HS3ST4: variants seen among roughly 807,000 people sequenced by gnomAD.
HS3ST4 encodes the protein heparan sulfate glucosamine 3-O-sulfotransferase 4.
In HS3ST4, 17 loss-of-function variants were observed where a neutral mutation model predicts 29.2. The observed-to-expected ratio is 0.58, with a 90% CI of 0.40 to 0.87. The LOEUF (loss-of-function observed/expected upper bound fraction) is 0.87. HS3ST4 is among the 40% of genes least tolerant of loss of function. The pLI, the probability that HS3ST4 is intolerant of heterozygous loss-of-function variation, is 0.00. For synonymous variants in HS3ST4, 314 were observed against 285.7 expected (o/e 1.10, Z -1.00); for missense variants, 627 against 634.5 (o/e 0.99, Z 0.13).
At chr16:25,791,214 A>G (rs1173665161) in intron 1 of HS3ST4, among the ~76,000 whole-genome samples, 1 of 151,988 alleles carries the variant, frequency 6.6e-6, no homozygotes, top group Non-Finnish European at 1.5e-5. Context: ...TTGTGGGGCT[A>G]TATCTGTTCT....
intron 1 of HS3ST4, among the ~76,000 whole-genome samples, chr16:25,777,511 G>C (rs1012972434): frequency 2.6e-5 from 4 of 152,148 alleles, no homozygotes; most frequent in African/African-American, 4.8e-5. Context: ...GCTCGCGCCT[G>C]TAATCCCAGC....
intron 1 of HS3ST4, among the ~76,000 whole-genome samples, chr16:25,837,938 C>G (rs562603317): frequency 7.2e-5 from 11 of 152,254 alleles, no homozygotes; most frequent in Admixed American, 5.2e-4. Context: ...CCCTCTCCCC[C>G]ACTTCCCCCT....
intron 1 of HS3ST4, among the ~76,000 whole-genome samples, chr16:26,034,925 G>A (rs116403832): frequency 0.027 from 4,144 of 152,282 alleles, 80 homozygotes; most frequent in Middle Eastern, 0.15. Flanking sequence ...AGATCTTGCA[G>A]TGAGCCATGA....
At chr16:25,717,140 G>A (rs372387510) in intron 1 of HS3ST4, among the ~76,000 whole-genome samples, 2 of 152,206 alleles carry the variant, frequency 1.3e-5, no homozygotes, top group South Asian at 2.1e-4. Context: ...AGGAACCTTG[G>A]CTGACCTTAG....
intron 1 of HS3ST4, among the ~76,000 whole-genome samples, chr16:25,769,789 T>C (rs1296366707): frequency 6.6e-6 from 1 of 152,228 alleles, no homozygotes; most frequent in Admixed American, 6.5e-5. Context: ...CAGGTAATTC[T>C]GCAGCAGCCT....
At chr16:25,912,431 C>T (rs1968250332) in intron 1 of HS3ST4, among the ~76,000 whole-genome samples, 1 of 152,094 alleles carries the variant, frequency 6.6e-6, no homozygotes, top group African/African-American at 2.4e-5. Context: ...CTCTTCACTC[C>T]CAAGCTAAAA....
chr16:25,852,001 A>C (rs1967526847), intron 1 of HS3ST4, among the ~76,000 whole-genome samples: 1 of 152,200 alleles, frequency 6.6e-6, no homozygotes, highest in Non-Finnish European at 1.5e-5. Flanking sequence ...TATGGGTTCT[A>C]TACCATCTGA....
chr16:25,771,140 GC>G (rs1456380432), intron 1 of HS3ST4, among the ~76,000 whole-genome samples: 2 of 151,892 alleles, frequency 1.3e-5, no homozygotes, highest in South Asian at 2.1e-4. Context: ...CCCTTCCCTT[GC>G]CCCCCACACC....
intron 1 of HS3ST4, among the ~76,000 whole-genome samples, chr16:26,058,386 G>A (rs1898433903): frequency 6.6e-6 from 1 of 152,140 alleles, no homozygotes; most frequent in Non-Finnish European, 1.5e-5. Flanking sequence ...AGGCTTTTTG[G>A]TTGACTTAAA....
chr16:25,957,847 G>A (rs748740163), intron 1 of HS3ST4, among the ~76,000 whole-genome samples: 1 of 152,176 alleles, frequency 6.6e-6, no homozygotes, highest in Non-Finnish European at 1.5e-5. Context: ...ACAGGTAGAT[G>A]TGGAGACAGA....
intron 1 of HS3ST4, among the ~76,000 whole-genome samples, chr16:26,017,903 G>C (rs1969375952): frequency 1.3e-5 from 2 of 152,194 alleles, no homozygotes; most frequent in African/African-American, 4.8e-5. Flanking sequence ...GACAAGGACT[G>C]TCTGTACAGG....
intron 1 of HS3ST4, among the ~76,000 whole-genome samples, chr16:26,082,737 T>C (rs1204343009): frequency 6.6e-6 from 1 of 152,172 alleles, no homozygotes; most frequent in Non-Finnish European, 1.5e-5. Flanking sequence ...AGAGCTTTGT[T>C]TCAATGGTGG....
At position 25,711,075 on chromosome 16, in the gene HS3ST4, A is replaced by T. The variant is rs147978285; in HGVS notation, c.734+17924A>T. On this transcript the variant is annotated intron_variant, in intron 1 of 1. Transcript: ENST00000331351. ...TGGCCTCAAGCGATCTTCTTGCCTCAGTCTCCCAAAGGGGCTGGGATTACA... is the reference window on the plus strand; with the variant it reads ...TGGCCTCAAGCGATCTTCTTGCCTCTGTCTCCCAAAGGGGCTGGGATTACA... Among the ~76,000 whole-genome samples the T allele has an allele frequency of 6.9e-4, 105 of 152,074 alleles. 3 individuals are homozygous for T. In the South Asian group the frequency reaches 7.7e-3, roughly 11 times the overall value.
At chr16:26,057,940 G>T (rs1345393462) in intron 1 of HS3ST4, among the ~76,000 whole-genome samples, 1 of 149,868 alleles carries the variant, frequency 6.7e-6, no homozygotes, top group African/African-American at 2.5e-5. Flanking sequence ...TCTCACTGGG[G>T]CCAGGGTTGA....
At chr16:26,030,617 G>A (rs1969522945) in intron 1 of HS3ST4, among the ~76,000 whole-genome samples, 1 of 152,060 alleles carries the variant, frequency 6.6e-6, no homozygotes. Flanking sequence ...ACTTCTCCTG[G>A]GAGCTTGCTG....
At chr16:25,959,712 CT>C (rs1304970579) in intron 1 of HS3ST4, among the ~76,000 whole-genome samples, 1 of 152,152 alleles carries the variant, frequency 6.6e-6, no homozygotes, top group African/African-American at 2.4e-5. Flanking sequence ...CCCTCCTAAT[CT>C]CATCTTGAAA....
At chr16:25,712,580 GACA>G (rs901924736) in intron 1 of HS3ST4, among the ~76,000 whole-genome samples, 2 of 151,750 alleles carry the variant, frequency 1.3e-5, no homozygotes, top group Non-Finnish European at 2.9e-5. Flanking sequence ...CGTCAACAAT[GACA>G]ACAACAAAAA....
At chr16:25,758,451 A>G (rs1362233245) in intron 1 of HS3ST4, among the ~76,000 whole-genome samples, 2 of 152,118 alleles carry the variant, frequency 1.3e-5, no homozygotes, top group Non-Finnish European at 2.9e-5. Context: ...CATCGAACCA[A>G]GTCTGCTCCC....
chr16:26,105,541 A>G (rs1279931924), intron 1 of HS3ST4, among the ~76,000 whole-genome samples: 1 of 152,224 alleles, frequency 6.6e-6, no homozygotes, highest in East Asian at 1.9e-4. Context: ...AAGTCTGGCC[A>G]TGCCCCTCAT....
Sources: gnomAD v4.1 joint callset for allele counts (sites outside exome capture counted in the v4.1 genomes callset) on GRCh38, gnomAD v4.1.1 for gene constraint, MANE v1.5 for transcripts, NCBI Gene and HGNC (gene_info 2026-07-23, HGNC 2026-07-21) for gene names.